Variants in RAD9B observed in about 807,000 individuals in gnomAD.
RAD9B encodes RAD9 checkpoint clamp component B.
Under a neutral mutation model 48.3 loss-of-function variants are expected in RAD9B, and 41 were observed. That is an observed-to-expected ratio of 0.85 (90% CI 0.66 to 1.10). The LOEUF (loss-of-function observed/expected upper bound fraction) is 1.10, where lower values mean the gene tolerates loss of function less well. RAD9B is among the 50% of genes least tolerant of loss of function. RAD9B has a pLI of 0.00. For missense variants in RAD9B, 444 were observed against 485.1 expected (o/e 0.92, Z 0.80); for synonymous variants, 160 against 157.9 (o/e 1.01, Z -0.10).
At chr12:110,522,599 C>A (rs995413210) in intron 10 of RAD9B, among the ~76,000 whole-genome samples, 188 bp downstream of exon 10, 3 of 152,156 alleles carry the variant, frequency 2.0e-5, no homozygotes, top group Non-Finnish European at 2.9e-5. Context: ...GTCTGATTTA[C>A]AGAATATCAA....
At chr12:110,507,641 A>T (rs1234342176) in intron 4 of RAD9B, among the ~76,000 whole-genome samples, 1 of 147,308 alleles carries the variant, frequency 6.8e-6, no homozygotes, top group Non-Finnish European at 1.5e-5. Flanking sequence ...ATAATGTATA[A>T]CATATATACA....
chr12:110,528,894 A>AT (rs1199114952), intron 10 of RAD9B, among the ~76,000 whole-genome samples: 3 of 151,820 alleles, frequency 2.0e-5, no homozygotes, highest in Non-Finnish European at 2.9e-5. Flanking sequence ...CACCCAGCTA[A>AT]TTTTTTGTAT....
Position 110,531,225 on chromosome 12 carries a change from CTT to C in RAD9B, c.*574_*575del. On this transcript the variant is annotated 3_prime_UTR_variant, in exon 11 of 11. Transcript: ENST00000409300. ...CTTGGCTTTTTTAGACGGAGTCTCACTTTGTCACTCAGGCTCAAGTGCAGTGG... is the reference window on the plus strand; with the variant it reads ...CTTGGCTTTTTTAGACGGAGTCTCACTGTCACTCAGGCTCAAGTGCAGTGG... The C allele has an allele frequency of 1.2e-6, 1 of 852,554 alleles. No individual in the cohort carries two copies. The highest frequency in any genetic ancestry group is 1.4e-6 in the Non-Finnish European group (1 of 695,556). The allele number at this position is 852,554 out of a possible 1,614,324, so 52.8% of individuals were successfully genotyped here.
chr12:110,530,206 C>G (rs1228773588), intron 10 of RAD9B, among the ~76,000 whole-genome samples: 1 of 152,054 alleles, frequency 6.6e-6, no homozygotes, highest in Non-Finnish European at 1.5e-5. Context: ...CCACACCCAG[C>G]TAATTTTTTT....
At chr12:110,502,610 AAT>A in intron 1 of RAD9B, 1 of 566,276 alleles carries the variant, frequency 1.8e-6, no homozygotes, top group Non-Finnish European at 3.2e-6. Context: ...GTATCCGGGA[AAT>A]AGAGTTGTAC....
chr12:110,507,430 A>G (rs2063317118), intron 4 of RAD9B, among the ~76,000 whole-genome samples: 1 of 141,870 alleles, frequency 7.0e-6, no homozygotes, highest in African/African-American at 2.6e-5. Context: ...TATAATATAT[A>G]TGTATTAAAT....
At position 110,532,976 on chromosome 12, in the gene RAD9B, A is replaced by G. The variant is rs2064176491; in HGVS notation, c.*2323A>G. Among the ~76,000 whole-genome samples, 1 of 152,190 alleles carries G rather than the reference A, an allele frequency of 6.6e-6. No individual in the cohort carries two copies. The highest frequency in any genetic ancestry group is 2.4e-5 in the African/African-American group (1 of 41,456). On this transcript the variant is annotated 3_prime_UTR_variant, in exon 11 of 11. Coordinates refer to ENST00000409300, the MANE Select transcript of RAD9B (RefSeq NM_001286535.2). ...TGACTGTACAGCAGATTTTTTTTGTAGCTTCCCTCTATACTATACGGAAGG... is the reference window on the plus strand; with the variant it reads ...TGACTGTACAGCAGATTTTTTTTGTGGCTTCCCTCTATACTATACGGAAGG...
At chr12:110,508,016 TA>T (rs2063347846) in intron 4 of RAD9B, 1 of 167,508 alleles carries the variant, frequency 6.0e-6, no homozygotes, top group Non-Finnish European at 1.5e-5. Context: ...TTATAGTCTT[TA>T]AATTGTTTCC....
intron 4 of RAD9B, chr12:110,511,421 T>C (rs1314113117): frequency 2.3e-6 from 1 of 435,520 alleles, no homozygotes; most frequent in East Asian, 7.3e-5. Context: ...AATCTTGTCA[T>C]TTGCAGCAAC....
Position 110,530,708 on chromosome 12 carries a change from C to G in RAD9B, c.*55C>G. On this transcript the variant is annotated 3_prime_UTR_variant, in exon 11 of 11. Transcript: ENST00000409300. ...CCCAGTGACTGGCTCATTTGCCCCT[C>G]AAGCACGAGTTTGCATGTTTAGTGT... 6.2e-7 allele frequency: 1 copy of G among 1,607,134 alleles called. No individual in the cohort carries two copies.
chr12:110,512,215 C>G (rs1193914912), intron 4 of RAD9B, among the ~76,000 whole-genome samples: 2 of 146,620 alleles, frequency 1.4e-5, no homozygotes, highest in Non-Finnish European at 3.0e-5. Flanking sequence ...GTGGCACAAT[C>G]TTGGCTCATG....
intron 10 of RAD9B, among the ~76,000 whole-genome samples, chr12:110,524,575 T>A (rs973646268): frequency 2.0e-5 from 3 of 150,760 alleles, no homozygotes; most frequent in East Asian, 2.0e-4. Context: ...AAGAAAAAAA[T>A]TATTGTTGTT....
chr12:110,521,271 G>C (rs762402927), intron 9 of RAD9B, among the ~76,000 whole-genome samples: 21 of 151,942 alleles, frequency 1.4e-4, no homozygotes, highest in Non-Finnish European at 2.8e-4. Flanking sequence ...TTCCACCTCA[G>C]CCTCCTGAGT....
intron 9 of RAD9B, among the ~76,000 whole-genome samples, chr12:110,520,528 G>GTT (rs1474171163): frequency 7.8e-6 from 1 of 128,430 alleles, no homozygotes; most frequent in Admixed American, 7.8e-5. Flanking sequence ...TTTTTTTTTT[G>GTT]TTTTTTTTTA....
intron 4 of RAD9B, among the ~76,000 whole-genome samples, chr12:110,509,692 CAAAG>C (rs1555208470): frequency 1.3e-5 from 2 of 152,152 alleles, no homozygotes; most frequent in Non-Finnish European, 1.5e-5. Flanking sequence ...TTGGGGATGA[CAAAG>C]AAAAGACACT....
intron 4 of RAD9B, among the ~76,000 whole-genome samples, chr12:110,509,617 G>A (rs1311120896): frequency 1.3e-5 from 2 of 152,108 alleles, no homozygotes; most frequent in African/African-American, 2.4e-5. Context: ...AAAAAATACC[G>A]GTTGAGGGTG....
In RAD9B at chr12:110,519,887, G is replaced by A. The variant is rs750031026; in HGVS notation, c.861G>A (p.Gln287=). The change falls in exon 9 of 11, where the codon CAG becomes CAA. Residue 287 remains glutamine (Q), a synonymous_variant. Transcript: ENST00000409300. The part of the protein sequence containing the change: ...ADEQSRASSP[Q]SLCLSQKRKR... ...AACAAAGTAGAGCATCTTCACCACA[G>A]TCACTGTGTCTTTCACAGAAACGAA... 3 of 1,612,358 alleles carry A rather than the reference G, an allele frequency of 1.9e-6. No individual in the cohort carries two copies. The highest frequency in any genetic ancestry group is 1.7e-5 in the Admixed American group (1 of 59,702).
intron 1 of RAD9B, chr12:110,503,299 G>GT (rs2063152198): frequency 6.4e-6 from 1 of 155,860 alleles, no homozygotes; most frequent in Admixed American, 6.3e-5. Context: ...GATCAGACTA[G>GT]TGTGTTTTCC....
chr12:110,517,239 G>T (rs1317130027), intron 6 of RAD9B, among the ~76,000 whole-genome samples: 1 of 152,060 alleles, frequency 6.6e-6, no homozygotes, highest in Non-Finnish European at 1.5e-5. Flanking sequence ...GAGGCAAGGG[G>T]ATCACTTGAG....
Sources: gnomAD v4.1 joint callset for allele counts (sites outside exome capture counted in the v4.1 genomes callset) on GRCh38, gnomAD v4.1.1 for gene constraint, MANE v1.5 for transcripts, NCBI Gene and HGNC (gene_info 2026-07-23, HGNC 2026-07-21) for gene names.